The following DSE variants were observed in gnomAD, a reference collection of about 807,000 sequenced individuals.
DSE encodes dermatan-sulfate epimerase.
A neutral mutation model predicts 84.4 loss-of-function variants in DSE; 36 were observed. The observed-to-expected ratio is 0.43, with a 90% confidence interval of 0.33 to 0.56. The LOEUF is 0.56. DSE is among the 20% of genes least tolerant of loss of function. The pLI, the probability that DSE is intolerant of heterozygous loss-of-function variation, is 0.06. For synonymous variants in DSE, 410 were observed against 430.1 expected (o/e 0.95, Z 0.58); for missense variants, 862 against 1,169.6 (o/e 0.74, Z 3.84).
At chr6:116,259,442 G>A (rs1259143411) in intron 2 of DSE, among the ~76,000 whole-genome samples, 4 of 152,118 alleles carry the variant, frequency 2.6e-5, no homozygotes, top group Non-Finnish European at 5.9e-5. Context: ...TAAAGTTCTG[G>A]AGGAAAAGGA....
At chr6:116,419,424 CA>C (rs1718424642) in intron 2 of DSE, among the ~76,000 whole-genome samples, 1 of 152,068 alleles carries the variant, frequency 6.6e-6, no homozygotes, top group Non-Finnish European at 1.5e-5. Flanking sequence ...AGTTTGTTTC[CA>C]AACACACAAA....
intron 2 of DSE, among the ~76,000 whole-genome samples, chr6:116,361,172 G>A (rs1778863719): frequency 6.6e-6 from 1 of 151,988 alleles, no homozygotes; most frequent in African/African-American, 2.4e-5. Flanking sequence ...CGATTCTTCT[G>A]CCTTAGCCTC....
chr6:116,359,046 G>A (rs895720213), intron 2 of DSE, among the ~76,000 whole-genome samples: 1 of 151,970 alleles, frequency 6.6e-6, no homozygotes, highest in Admixed American at 6.6e-5. Context: ...AATCTATTTG[G>A]TTGATCAAAT....
At chr6:116,402,620 T>C (rs1781664273) in intron 2 of DSE, among the ~76,000 whole-genome samples, 1 of 152,204 alleles carries the variant, frequency 6.6e-6, no homozygotes, top group African/African-American at 2.4e-5. Context: ...GTTTGGTTTA[T>C]AATTTGGTAT....
At chr6:116,346,770 G>T (rs1487890162) in intron 2 of DSE, among the ~76,000 whole-genome samples, 1 of 152,044 alleles carries the variant, frequency 6.6e-6, no homozygotes, top group Non-Finnish European at 1.5e-5. Context: ...TTCTGGCCAG[G>T]GCAATCAGGC....
At chr6:116,429,797 A>ATGTG in intron 3 of DSE, among the ~76,000 whole-genome samples, 1 of 65,604 alleles carries the variant, frequency 1.5e-5, no homozygotes, top group Non-Finnish European at 3.1e-5. Context: ...AAATACAAAA[A>ATGTG]AAAAATTAGC....
At chr6:116,431,290 G>A (rs1475200492) in intron 4 of DSE, 97 bp downstream of exon 4, 1 of 1,461,020 alleles carries the variant, frequency 6.8e-7, no homozygotes, top group African/African-American at 1.4e-5. Flanking sequence ...TAGGTCCTTA[G>A]AGTTTGTCAT....
At chr6:116,414,567 C>T (rs1224117206) in intron 2 of DSE, among the ~76,000 whole-genome samples, 2 of 152,132 alleles carry the variant, frequency 1.3e-5, no homozygotes, top group African/African-American at 4.8e-5. Flanking sequence ...CATGTGCCAC[C>T]ACGCCCAGCT....
chr6:116,366,876 A>T (rs1779194164), upstream of DSE: 1 of 152,250 alleles, frequency 6.6e-6, no homozygotes, highest in Non-Finnish European at 1.5e-5. Context: ...CGTGCCTGGT[A>T]CATTTCATGA....
chr6:116,332,247 A>T (rs1203500464), intron 2 of DSE, among the ~76,000 whole-genome samples: 3 of 152,336 alleles, frequency 2.0e-5, no homozygotes, highest in East Asian at 3.9e-4. Flanking sequence ...AAGAGACATT[A>T]AAAAAGACAA....
At position 116,442,181 on chromosome 6, in the gene DSE, G is replaced by C. The variant is rs1204517556; in HGVS notation, c.*4836G>C. 1.3e-5 allele frequency: 2 copies of C among 152,400 alleles called. No homozygotes were observed. Among genetic ancestry groups the C allele is most frequent in the Non-Finnish European group, 2.9e-5 (2 of 68,210 alleles). 9.4% of individuals were successfully genotyped at this position (152,400 alleles called of 1,614,324 possible). A position where few individuals can be genotyped will look rare whatever the true frequency, so the allele number is the denominator to read the frequency against. On this transcript the variant is annotated 3_prime_UTR_variant, in exon 6 of 6. Coordinates refer to ENST00000644252, the MANE Select transcript of DSE (RefSeq NM_013352.4). ...AGGCCCTGAGCTCAGTATGTGTTTG[G>C]TGTATTTAGGACTAGGAGGCCAGTG...
intron 2 of DSE, among the ~76,000 whole-genome samples, chr6:116,361,677 G>T (rs1252202107): frequency 2.0e-5 from 3 of 152,068 alleles, no homozygotes; most frequent in East Asian, 3.9e-4. Context: ...ATTTGTGTGT[G>T]TGTGTATCTC....
chr6:116,285,266 G>C (rs889536698), intron 2 of DSE, among the ~76,000 whole-genome samples: 1 of 152,108 alleles, frequency 6.6e-6, no homozygotes, highest in East Asian at 1.9e-4. Flanking sequence ...TTCTCTGATG[G>C]CCAGTGATGA....
chr6:116,337,783 A>G (rs1371033339), intron 2 of DSE, among the ~76,000 whole-genome samples: 5 of 142,790 alleles, frequency 3.5e-5, no homozygotes, highest in African/African-American at 1.3e-4. Context: ...GATATGTTAC[A>G]GTAAAATGAG....
chr6:116,257,972 CAATGCCTT>C (rs1435947141), intron 1 of DSE, among the ~76,000 whole-genome samples: 1 of 152,160 alleles, frequency 6.6e-6, no homozygotes, highest in Non-Finnish European at 1.5e-5. Context: ...TTCTGTGTTT[CAATGCCTT>C]AACAGTTCTC....
chr6:116,345,498 T>G (rs1382241516), intron 2 of DSE, among the ~76,000 whole-genome samples: 2 of 152,128 alleles, frequency 1.3e-5, no homozygotes, highest in African/African-American at 4.8e-5. Context: ...GGAAACTGAA[T>G]AACCTGCTCC....
At chr6:116,432,867 C>G (rs1257731510) in intron 4 of DSE, 1 of 154,822 alleles carries the variant, frequency 6.5e-6, no homozygotes, top group Non-Finnish European at 1.4e-5. Flanking sequence ...AACTCAGTCT[C>G]TCCCCTGAAC....
At chr6:116,354,338 T>G (rs1455876157) in intron 2 of DSE, among the ~76,000 whole-genome samples, 1 of 152,198 alleles carries the variant, frequency 6.6e-6, no homozygotes, top group Non-Finnish European at 1.5e-5. Context: ...ACCTTACAAC[T>G]GCTCTGGAGG....
intron 1 of DSE, among the ~76,000 whole-genome samples, chr6:116,379,204 T>A (rs1009626080): frequency 6.6e-6 from 1 of 152,128 alleles, no homozygotes; most frequent in African/African-American, 2.4e-5. Context: ...TGTTGGAAAA[T>A]GCACTCTGAG....
Sources: gnomAD v4.1 joint callset for allele counts (sites outside exome capture counted in the v4.1 genomes callset) on GRCh38, gnomAD v4.1.1 for gene constraint, MANE v1.5 for transcripts, NCBI Gene and HGNC (gene_info 2026-07-23, HGNC 2026-07-21) for gene names.